The following BCAS3 variants were observed in gnomAD, a reference collection of about 807,000 sequenced individuals.
The protein encoded by BCAS3 is BCAS4/BCAS3 fusion.
A neutral mutation model predicts 116.1 loss-of-function variants in BCAS3; 53 were observed. The observed-to-expected ratio is 0.46, with a 90% confidence interval of 0.37 to 0.57. The LOEUF (loss-of-function observed/expected upper bound fraction) is 0.57, where lower values mean the gene tolerates loss of function less well. Among genes scored for constraint, BCAS3 ranks in the 20% least tolerant of loss-of-function variants. The pLI, the probability that BCAS3 is intolerant of heterozygous loss-of-function variation, is 0.00. For missense variants in BCAS3, 917 were observed against 1,165.4 expected, an observed-to-expected ratio of 0.79 and a Z score of 3.10; for synonymous variants, 391 against 408.2, an observed-to-expected ratio of 0.96 and a Z score of 0.51.
At chr17:60,683,882 A>G (rs940761162) in intron 2 of BCAS3, 100 bp from the exon 3 acceptor site, 1 of 1,048,880 alleles carries the variant, frequency 9.5e-7, no homozygotes. Context: ...ACAAACAACA[A>G]CAAAAAACAA....
intron 4 of BCAS3, among the ~76,000 whole-genome samples, chr17:60,697,207 A>G (rs1172305035): frequency 2.6e-5 from 4 of 151,332 alleles, no homozygotes; most frequent in African/African-American, 7.3e-5. Context: ...ATGAATGAAT[A>G]AATGAGGGAG....
At chr17:61,115,154 C>T (rs1398722172) in intron 22 of BCAS3, among the ~76,000 whole-genome samples, 11 of 152,050 alleles carry the variant, frequency 7.2e-5, no homozygotes, top group Admixed American at 3.3e-4. Flanking sequence ...AAAACCTAGG[C>T]ATTACCATTC....
chr17:60,727,741 T>C (rs960557886), intron 5 of BCAS3, among the ~76,000 whole-genome samples: 3 of 151,936 alleles, frequency 2.0e-5, no homozygotes, highest in African/African-American at 7.2e-5. Flanking sequence ...TGAACATACA[T>C]TGATATATTA....
At chr17:61,081,355 C>A (rs1568310918) in intron 21 of BCAS3, among the ~76,000 whole-genome samples, 2 of 152,092 alleles carry the variant, frequency 1.3e-5, no homozygotes, top group Non-Finnish European at 2.9e-5. Flanking sequence ...TATAGTCCTT[C>A]TATTAAGATA....
chr17:61,061,289 G>A (rs1323277015), intron 19 of BCAS3, among the ~76,000 whole-genome samples: 2 of 152,022 alleles, frequency 1.3e-5, no homozygotes, highest in African/African-American at 2.4e-5. Context: ...TTCCTAGTAT[G>A]TAACTAGATA....
At chr17:61,107,209 C>T (rs1213474027) in intron 22 of BCAS3, among the ~76,000 whole-genome samples, 2 of 151,048 alleles carry the variant, frequency 1.3e-5, no homozygotes, top group African/African-American at 4.9e-5. Flanking sequence ...GCCTCAGCCT[C>T]CTGAGTAGCT....
rs1367964719 is a variant in BCAS3, at chr17:61,051,551, T to A, written c.2029+10659T>A. On this transcript the variant is annotated intron_variant, in intron 19 of 23. Transcript: ENST00000407086. This position sits in a 1 kb window ranked among gnomAD's most constrained non-coding sequence, Gnocchi z 4.1. ...GTGAAAGGTACACAGAGTATCACTG[T>A]ACTATTTTGCAACTTTTTGTGAATC... is the stretch of plus-strand genomic sequence containing the variant. Among the ~76,000 whole-genome samples the A allele has an allele frequency of 3.9e-5, 6 of 152,246 alleles. No individual in the cohort carries two copies. The highest frequency in any genetic ancestry group is 1.4e-4 in the African/African-American group (6 of 41,470).
intron 22 of BCAS3, among the ~76,000 whole-genome samples, chr17:61,234,187 G>T (rs564042355): frequency 5.2e-4 from 79 of 152,280 alleles, no homozygotes; most frequent in African/African-American, 1.8e-3. Context: ...GCAGAATGGG[G>T]AAGTAAATGA....
intron 22 of BCAS3, among the ~76,000 whole-genome samples, chr17:61,358,619 A>G (rs1444582957): frequency 6.7e-6 from 1 of 150,006 alleles, no homozygotes; most frequent in Non-Finnish European, 1.5e-5. Flanking sequence ...CTCCTGCCTC[A>G]GCCTCCTGAG....
chr17:61,097,420 C>T lies in BCAS3; in HGVS notation c.2425+12856C>T, dbSNP rs1008702080. 5.3e-5 allele frequency among the ~76,000 whole-genome samples: 8 copies of T among 152,102 alleles called. No individual in the cohort carries two copies. The highest frequency in any genetic ancestry group is 1.9e-4 in the East Asian group (1 of 5,182). ...GTCTCGATCTCCTGACCTTGTGATC[C>T]GCCTGCCTCGGCCTCCCAAAGTGCT... On this transcript the variant is annotated intron_variant, in intron 22 of 23. Transcript: ENST00000407086. This position sits in a 1 kb window ranked among gnomAD's most constrained non-coding sequence, Gnocchi z 4.0.
intron 22 of BCAS3, among the ~76,000 whole-genome samples, chr17:61,172,979 T>C (rs568189897): frequency 8.1e-4 from 83 of 102,008 alleles, no homozygotes; most frequent in South Asian, 2.3e-3. Flanking sequence ...CAGAGCAAGA[T>C]TCCATCTCAA....
At chr17:60,703,942 A>G (rs994033740) in intron 4 of BCAS3, among the ~76,000 whole-genome samples, 5 of 151,848 alleles carry the variant, frequency 3.3e-5, no homozygotes, top group African/African-American at 4.8e-5. Context: ...AAAAAGAAAA[A>G]AAAAAGAAAG....
At chr17:61,335,719 G>GA (rs1280462823) in intron 22 of BCAS3, among the ~76,000 whole-genome samples, 6 of 152,272 alleles carry the variant, frequency 3.9e-5, no homozygotes, top group East Asian at 1.9e-4. Flanking sequence ...CCCATCTCTA[G>GA]AAAAAATCAG....
In BCAS3 at chr17:61,034,891, T is replaced by G. The variant is rs554660362; in HGVS notation, c.1762+101T>G. On this transcript the variant is annotated intron_variant, in intron 17 of 23. Coordinates refer to ENST00000407086, the MANE Select transcript of BCAS3 (RefSeq NM_017679.5). This position sits in a 1 kb window ranked among gnomAD's most constrained non-coding sequence, Gnocchi z 5.0. ...TAGAATAATCTTGTACCCAGTAGTC[T>G]GGAAACCAATTTTTTTAATGTAATT... 1,405 of 1,157,194 alleles carry G rather than the reference T, an allele frequency of 1.2e-3. 3 individuals carry two copies. Among genetic ancestry groups the G allele is most frequent in the Admixed American group, 1.9e-3 (75 of 38,820 alleles). The allele number at this position is 1,157,194 out of a possible 1,614,324, so 71.7% of individuals were successfully genotyped here.
rs1398883066 is a variant in BCAS3, at chr17:61,198,139, T to C, written c.2425+113575T>C. 2.6e-5 allele frequency among the ~76,000 whole-genome samples: 4 copies of C among 152,012 alleles called. No individual in the cohort carries two copies. The highest frequency in any genetic ancestry group is 5.9e-5 in the Non-Finnish European group (4 of 68,010). On this transcript the variant is annotated intron_variant, in intron 22 of 23. Transcript: ENST00000407086. This position sits in a 1 kb window ranked among gnomAD's most constrained non-coding sequence, Gnocchi z 5.0. ...AGATAAAGTGCAAGATATGTTTTTT[T>C]TTTTTCTTTTTTTTTTTTTGAGACG... is the stretch of plus-strand genomic sequence containing the variant.
chr17:60,727,190 C>T, intron 5 of BCAS3: 1 of 858,392 alleles, frequency 1.2e-6, no homozygotes, highest in South Asian at 1.5e-5. Context: ...TTGGCCCTTT[C>T]TCTTCTTATC....
At chr17:60,826,977 A>C (rs962066284) in intron 7 of BCAS3, among the ~76,000 whole-genome samples, 1 of 152,208 alleles carries the variant, frequency 6.6e-6, no homozygotes, top group African/African-American at 2.4e-5. Context: ...TGTATTTGAT[A>C]ATTTTTTTCA....
chr17:61,160,996 C>T (rs997277567), intron 22 of BCAS3, among the ~76,000 whole-genome samples: 7 of 152,154 alleles, frequency 4.6e-5, no homozygotes, highest in African/African-American at 1.7e-4. Flanking sequence ...AGTGGCCTTC[C>T]TCTTCCCATC....
intron 22 of BCAS3, among the ~76,000 whole-genome samples, chr17:61,150,185 T>C (rs1322463474): frequency 6.6e-6 from 1 of 152,206 alleles, no homozygotes; most frequent in African/African-American, 2.4e-5. Context: ...AGTCTATTGA[T>C]TGGTCAGGAA....
Sources: gnomAD v4.1 joint callset for allele counts (sites outside exome capture counted in the v4.1 genomes callset) on GRCh38, gnomAD v4.1.1 for gene constraint, Gnocchi (gnomAD v3.1) non-coding constraint, MANE v1.5 for transcripts, NCBI Gene and HGNC (gene_info 2026-07-23, HGNC 2026-07-21) for gene names.